Variants in DCP1B observed in about 807,000 individuals in gnomAD.
The protein encoded by DCP1B is mRNA-decapping enzyme 1B.
Under a neutral mutation model 60.5 loss-of-function variants are expected in DCP1B, and 47 were observed. That is an observed-to-expected ratio of 0.78 (90% CI 0.61 to 0.99). The LOEUF is 0.99. DCP1B is among the 50% of genes least tolerant of loss of function. The pLI is 0.00. For missense variants in DCP1B, 725 were observed against 756.8 expected, an observed-to-expected ratio of 0.96 and a Z score of 0.49; for synonymous variants, 267 against 280.3, an observed-to-expected ratio of 0.95 and a Z score of 0.47.
rs1021704991 is a variant in DCP1B at position 1,971,758 on chromosome 12, G to C, written c.320-3848C>G. On this transcript the variant is annotated intron_variant, in intron 3 of 8. Transcript: ENST00000280665. This position sits in a 1 kb window ranked among gnomAD's most constrained non-coding sequence, Gnocchi z 4.2. ...TTAGCATGGTGCATTAGTTCATTTT[G>C]CATGTTCTTTGGGGATTTGCCTTAT... 6.6e-6 allele frequency among the ~76,000 whole-genome samples: 1 copy of C among 152,094 alleles called. No homozygotes were observed. Among genetic ancestry groups the C allele is most frequent in the African/African-American group, 2.4e-5 (1 of 41,440 alleles).
intron 3 of DCP1B, among the ~76,000 whole-genome samples, chr12:1,970,158 A>G (rs908634506): frequency 1.3e-5 from 2 of 152,220 alleles, no homozygotes; most frequent in African/African-American, 4.8e-5. Context: ...GCAGTTTGAC[A>G]GTGTCATCAC....
Position 2,004,306 on chromosome 12 carries a change from G to A in DCP1B, c.126C>T (p.Thr42=). 1 of 1,613,326 alleles carries A rather than the reference G, an allele frequency of 6.2e-7. No homozygotes were observed. Among genetic ancestry groups the A allele is most frequent in the Non-Finnish European group, 8.5e-7 (1 of 1,179,912 alleles). ...VDVASQVALY[T]FGHRANEWEK... ...CCCACTCGTTGGCCCGATGGCCGAA[G>A]GTGTACAGAGCCACCTGGCTGGCCA... The change falls in exon 1 of 9, where the codon ACC becomes ACT. Residue 42 remains threonine (T), a synonymous_variant. Coordinates refer to ENST00000280665, the MANE Select transcript of DCP1B (RefSeq NM_152640.5).
At chr12:1,982,638 T>C (rs2036495143) in intron 3 of DCP1B, among the ~76,000 whole-genome samples, 1 of 152,192 alleles carries the variant, frequency 6.6e-6, no homozygotes, top group Non-Finnish European at 1.5e-5. Context: ...GTTTGGGTTA[T>C]TCCCACCATT....
chr12:1,945,240 A>T, downstream of DCP1B, among the ~76,000 whole-genome samples: 1 of 152,236 alleles, frequency 6.6e-6, no homozygotes, highest in East Asian at 1.9e-4. Flanking sequence ...ACCATCTCAC[A>T]CCAGTTACAA....
chr12:1,998,005 A>G, intron 1 of DCP1B, 30 bp from the exon 2 acceptor site: 2 of 1,581,952 alleles, frequency 1.3e-6, no homozygotes, highest in East Asian at 2.3e-5. Context: ...CACACAAGAC[A>G]TGTATGTTCT....
At chr12:2,001,334 C>T (rs2042156391) in intron 1 of DCP1B, among the ~76,000 whole-genome samples, 1 of 152,022 alleles carries the variant, frequency 6.6e-6, no homozygotes, top group African/African-American at 2.4e-5. Context: ...GTATTAGTTA[C>T]CAGTCCTGGG....
chr12:1,969,817 C>T (rs1196636738), intron 3 of DCP1B, among the ~76,000 whole-genome samples: 3 of 152,084 alleles, frequency 2.0e-5, no homozygotes, highest in Admixed American at 6.6e-5. Flanking sequence ...AGTATGTTTG[C>T]GTGTCTTGGT....
intron 5 of DCP1B, among the ~76,000 whole-genome samples, chr12:1,958,181 G>T (rs2030964421): frequency 2.0e-5 from 3 of 148,030 alleles, no homozygotes; most frequent in South Asian, 2.2e-4. Flanking sequence ...AGGAAACAGG[G>T]GAAAAGCTCC....
chr12:1,949,665 C>G (rs1045144534), intron 7 of DCP1B, among the ~76,000 whole-genome samples: 2 of 152,236 alleles, frequency 1.3e-5, no homozygotes, highest in Admixed American at 6.5e-5. Flanking sequence ...GTCCATGACC[C>G]TGACCTAAAG....
rs898566463 is a variant in DCP1B at position 1,971,837 on chromosome 12, T to G, written c.320-3927A>C. Among the ~76,000 whole-genome samples, 23 of 152,382 alleles carry G rather than the reference T, an allele frequency of 1.5e-4. No homozygotes were observed. In the Middle Eastern group the frequency reaches 0.01, roughly 68 times the overall value. On this transcript the variant is annotated intron_variant, in intron 3 of 8. Coordinates refer to ENST00000280665, the MANE Select transcript of DCP1B (RefSeq NM_152640.5). This position sits in a 1 kb window ranked among gnomAD's most constrained non-coding sequence, Gnocchi z 4.2. ...GTTTGATCTGTTCTTTTAAGATATT[T>G]ATAATTTGTTTTATATTTTTACCCA... is the stretch of plus-strand genomic sequence containing the variant.
chr12:1,949,060 C>T (rs200939799), intron 8 of DCP1B, 26 bp downstream of exon 8: 77 of 1,603,060 alleles, frequency 4.8e-5, no homozygotes, highest in East Asian at 1.8e-4. Context: ...TGGTCAGGTG[C>T]GAAGGGAGAT....
chr12:1,992,505 T>C (rs897777187), intron 3 of DCP1B: 2 of 154,238 alleles, frequency 1.3e-5, no homozygotes, highest in African/African-American at 4.8e-5. Context: ...ATAAGGTGCA[T>C]GTGTGTGCAC....
At chr12:2,001,399 T>C (rs1409617814) in intron 1 of DCP1B, among the ~76,000 whole-genome samples, 2 of 152,158 alleles carry the variant, frequency 1.3e-5, no homozygotes, top group African/African-American at 4.8e-5. Context: ...TTATACTGTA[T>C]TATAAAATCT....
At chr12:1,957,847 G>T (rs1469800532) in intron 5 of DCP1B, among the ~76,000 whole-genome samples, 1 of 152,250 alleles carries the variant, frequency 6.6e-6, no homozygotes, top group Non-Finnish European at 1.5e-5. Flanking sequence ...AAACTAGACA[G>T]ACTTCACTTT....
intron 5 of DCP1B, among the ~76,000 whole-genome samples, chr12:1,964,409 G>A (rs1428257742): frequency 1.3e-5 from 2 of 151,928 alleles, no homozygotes; most frequent in Non-Finnish European, 2.9e-5. Context: ...ATTTGCTTGT[G>A]TTGTATTTAA....
At chr12:1,992,077 G>A (rs2039557822) in intron 3 of DCP1B, 1 of 368,978 alleles carries the variant, frequency 2.7e-6, no homozygotes, top group South Asian at 2.6e-5. Context: ...GGGTCCTGGA[G>A]TTGGAATTCC....
rs553818827 is a variant in DCP1B at position 1,961,691 on chromosome 12, ATAAT to A, written c.522+3863_522+3866del. On this transcript the variant is annotated intron_variant, in intron 5 of 8. Transcript: ENST00000280665. Reference sequence around the variant, plus strand: ...TAATAGACTGAGTTCACATGGAAGAATAATTAATTTGACTGAAGAGACCTGGGAA... The same window carrying A: ...TAATAGACTGAGTTCACATGGAAGAATAATTTGACTGAAGAGACCTGGGAA... Among the ~76,000 whole-genome samples, 287 of 152,338 alleles carry A rather than the reference ATAAT, an allele frequency of 1.9e-3. 2 individuals are homozygous for A. The highest frequency in any genetic ancestry group is 6.6e-3 in the African/African-American group (276 of 41,566).
intron 1 of DCP1B, 105 bp downstream of exon 1, chr12:2,004,177 G>T: frequency 6.7e-7 from 1 of 1,501,482 alleles, no homozygotes; most frequent in Non-Finnish European, 9.0e-7. Flanking sequence ...CACTTCCAGG[G>T]CGTCAACGTC....
rs78563698 is a variant in DCP1B at position 1,996,616 on chromosome 12, T to TAAAAAAAAAAAAAAAAAA, written c.191+1301_191+1318dup. On this transcript the variant is annotated intron_variant, in intron 2 of 8. Transcript: ENST00000280665. ...AATACACTAATAATAGCTGATGAGC[T>TAAAAAAAAAAAAAAAAAA]AAAAAAAAAAAAAAAAAAAAAAAAA... is the stretch of plus-strand genomic sequence containing the variant. Among the ~76,000 whole-genome samples the TAAAAAAAAAAAAAAAAAA allele has an allele frequency of 3.2e-4, 6 of 18,840 alleles. 1 individual carries two copies. Among genetic ancestry groups the TAAAAAAAAAAAAAAAAAA allele is most frequent in the Admixed American group, 8.1e-4 (1 of 1,228 alleles). The allele number at this position is 18,840 out of a possible 152,430, so 12.4% of individuals were successfully genotyped here. A position where few individuals can be genotyped will look rare whatever the true frequency, so the allele number is the denominator to read the frequency against.
Sources: allele counts gnomAD v4.1 joint callset (sites outside exome capture counted in the v4.1 genomes callset), GRCh38; gene constraint gnomAD v4.1.1; non-coding constraint Gnocchi (gnomAD v3.1); transcripts MANE v1.5; gene names NCBI Gene and HGNC (gene_info 2026-07-23, HGNC 2026-07-21).